The following ITGA8 variants were observed in gnomAD, a reference collection of about 807,000 sequenced individuals.
ITGA8 encodes integrin subunit alpha 8.
In ITGA8, 91 loss-of-function variants were observed where a neutral mutation model predicts 142.3. The ratio of observed to expected loss-of-function variants is 0.64; its 90% CI spans 0.54 to 0.76. The LOEUF is 0.76. ITGA8 is among the 30% of genes least tolerant of loss of function. The pLI, the probability that ITGA8 is intolerant of heterozygous loss-of-function variation, is 0.00. For synonymous variants in ITGA8, 505 were observed against 485.2 expected, an observed-to-expected ratio of 1.04 and a Z score of -0.54; for missense variants, 1,406 against 1,327.7, an observed-to-expected ratio of 1.06 and a Z score of -0.92.
intron 2 of ITGA8, among the ~76,000 whole-genome samples, chr10:15,693,530 C>T (rs1834972315): frequency 6.6e-6 from 1 of 152,102 alleles, no homozygotes; most frequent in South Asian, 2.1e-4. Flanking sequence ...AATCCTCACC[C>T]AAAGTGCACA....
At chr10:15,637,223 T>G (rs911386846) in intron 13 of ITGA8, among the ~76,000 whole-genome samples, 1 of 152,250 alleles carries the variant, frequency 6.6e-6, no homozygotes, top group East Asian at 1.9e-4. Flanking sequence ...TGGCTCCACA[T>G]GACTGTCAGG....
intron 2 of ITGA8, among the ~76,000 whole-genome samples, chr10:15,710,094 C>T (rs1290631430): frequency 6.6e-6 from 1 of 151,794 alleles, no homozygotes; most frequent in Non-Finnish European, 1.5e-5. Flanking sequence ...CATTATTTTT[C>T]CTGATCATAA....
chr10:15,717,245 A>G (rs531755551), intron 2 of ITGA8, among the ~76,000 whole-genome samples: 1 of 152,342 alleles, frequency 6.6e-6, no homozygotes, highest in South Asian at 2.1e-4. Context: ...CTTGGTGAAA[A>G]CACATCAACC....
chr10:15,627,859 A>T (rs1335891211), intron 13 of ITGA8, among the ~76,000 whole-genome samples: 1 of 150,716 alleles, frequency 6.6e-6, no homozygotes, highest in East Asian at 1.9e-4. Flanking sequence ...GAGTCACAGG[A>T]TGAGATGGGA....
In ITGA8 at chr10:15,714,672, G is replaced by T. The variant is rs543143239; in HGVS notation, c.343+4094C>A. ...AAAGAAAATCAAGTTATATGATAAGGTAAAAATAAAATAAATAATGATTAT... is the reference window on the plus strand; with the variant it reads ...AAAGAAAATCAAGTTATATGATAAGTTAAAAATAAAATAAATAATGATTAT... On this transcript the variant is annotated intron_variant, in intron 2 of 29. Coordinates refer to ENST00000378076, the MANE Select transcript of ITGA8 (RefSeq NM_003638.3). Among the ~76,000 whole-genome samples, 10 of 152,068 alleles carry T rather than the reference G, an allele frequency of 6.6e-5. No individual in the cohort carries two copies. The East Asian group carries it at 1.5e-3, about 24-fold the overall frequency.
At chr10:15,554,559 A>G (rs1833854950) in intron 26 of ITGA8, among the ~76,000 whole-genome samples, 1 of 152,158 alleles carries the variant, frequency 6.6e-6, no homozygotes, top group Non-Finnish European at 1.5e-5. Context: ...GCACCCACAC[A>G]CTTGCACATA....
rs537389039 is a variant in ITGA8, at chr10:15,552,380, C to T, written c.2767-3812G>A. The stretch of plus-strand genomic sequence containing the variant: ...TCTCAAATCTCCTGACCTCGTGATC[C>T]ACCCGCCTCGGCCTCCCACAGTGCT... On this transcript the variant is annotated intron_variant, in intron 26 of 29. Coordinates refer to ENST00000378076, the MANE Select transcript of ITGA8 (RefSeq NM_003638.3). Among the ~76,000 whole-genome samples, 479 of 152,252 alleles carry T rather than the reference C, an allele frequency of 3.1e-3. 1 individual carries two copies. The highest frequency in any genetic ancestry group is 4.9e-3 in the Non-Finnish European group (334 of 68,024).
chr10:15,621,122 A>G (rs752629781), intron 13 of ITGA8, among the ~76,000 whole-genome samples: 7 of 151,782 alleles, frequency 4.6e-5, no homozygotes, highest in African/African-American at 7.3e-5. Context: ...TTGAAAACAA[A>G]CAAATAAAAA....
chr10:15,570,787 G>A (rs1019636579), intron 25 of ITGA8, among the ~76,000 whole-genome samples: 3 of 152,082 alleles, frequency 2.0e-5, no homozygotes, highest in African/African-American at 7.2e-5. Flanking sequence ...CCAACATGGT[G>A]TACATTAAAC....
chr10:15,623,522 C>CA (rs1203697723), intron 13 of ITGA8, among the ~76,000 whole-genome samples: 3 of 151,994 alleles, frequency 2.0e-5, no homozygotes, highest in African/African-American at 7.2e-5. Context: ...CCCATCTCTA[C>CA]AAAAAATACA....
chr10:15,639,567 A>G (rs1833834219), intron 13 of ITGA8, among the ~76,000 whole-genome samples: 2 of 152,240 alleles, frequency 1.3e-5, no homozygotes, highest in Admixed American at 1.3e-4. Flanking sequence ...GAAGGCCAGC[A>G]GTAAGGGCCG....
At chr10:15,547,909 T>A (rs1833709024) in intron 27 of ITGA8, among the ~76,000 whole-genome samples, 1 of 152,186 alleles carries the variant, frequency 6.6e-6, no homozygotes, top group African/African-American at 2.4e-5. Context: ...ACTAAGTACA[T>A]TTTCTGATCT....
rs137903466 is a variant in ITGA8, at chr10:15,642,294, G to A, written c.1399+1736C>T. On this transcript the variant is annotated intron_variant, in intron 13 of 29. Transcript: ENST00000378076. ...GTCCTTCCTGGCTCTCATTTGGGAC[G>A]TGTTTAGCCTTGGAAGGAAGTCAAA... 8.5e-5 allele frequency among the ~76,000 whole-genome samples: 13 copies of A among 152,260 alleles called. No individual in the cohort carries two copies. The East Asian group carries it at 1.5e-3, about 18-fold the overall frequency.
chr10:15,709,912 A>G (rs954143902), intron 2 of ITGA8, among the ~76,000 whole-genome samples: 5 of 152,220 alleles, frequency 3.3e-5, no homozygotes, highest in African/African-American at 9.7e-5. Flanking sequence ...CTTTATATAA[A>G]TAAATGCATT....
At chr10:15,623,931 A>G (rs1833537618) in intron 13 of ITGA8, among the ~76,000 whole-genome samples, 1 of 152,098 alleles carries the variant, frequency 6.6e-6, no homozygotes, top group Admixed American at 6.6e-5. Flanking sequence ...ATATAAATGG[A>G]GCCATACAGC....
chr10:15,562,883 C>A (rs1834008839), intron 25 of ITGA8, among the ~76,000 whole-genome samples: 1 of 152,270 alleles, frequency 6.6e-6, no homozygotes, highest in Non-Finnish European at 1.5e-5. Context: ...CCTCCCAAAT[C>A]TCATGTCGAG....
intron 20 of ITGA8, among the ~76,000 whole-genome samples, chr10:15,601,081 A>G (rs1833096299): frequency 2.6e-5 from 4 of 152,126 alleles, no homozygotes; most frequent in Admixed American, 2.6e-4. Context: ...TCTACTAAAA[A>G]TACTAAAATT....
intron 28 of ITGA8, among the ~76,000 whole-genome samples, chr10:15,520,710 T>C (rs1476408720): frequency 6.6e-6 from 1 of 152,250 alleles, no homozygotes; most frequent in African/African-American, 2.4e-5. Context: ...TATTCTTGGA[T>C]GCAGACATTA....
At position 15,717,913 on chromosome 10, in the gene ITGA8, G is replaced by C. The variant is rs539784263; in HGVS notation, c.343+853C>G. Among the ~76,000 whole-genome samples the C allele has an allele frequency of 7.9e-4, 120 of 152,312 alleles. 1 individual carries two copies. The highest frequency in any genetic ancestry group is 2.8e-3 in the African/African-American group (115 of 41,572). ...AAGAAATCAAGTATGTCATAAAATA[G>C]TTGTGTGGTACACAAGGTATTTTAA... On this transcript the variant is annotated intron_variant, in intron 2 of 29. Coordinates refer to ENST00000378076, the MANE Select transcript of ITGA8 (RefSeq NM_003638.3).
Sources: allele counts gnomAD v4.1 joint callset (sites outside exome capture counted in the v4.1 genomes callset), GRCh38; gene constraint gnomAD v4.1.1; transcripts MANE v1.5; gene names NCBI Gene and HGNC (gene_info 2026-07-23, HGNC 2026-07-21).